The following MYH7B variants were observed in gnomAD, a reference collection of about 807,000 sequenced individuals.
MYH7B encodes the protein myosin-7B.
MYH7B carries 205 observed loss-of-function variants against 234.5 expected under a neutral mutation model. That is an observed-to-expected ratio of 0.87 (90% CI 0.78 to 0.98). The LOEUF is 0.98. Among genes scored for constraint, MYH7B ranks in the 50% least tolerant of loss-of-function variants. The probability of loss-of-function intolerance (pLI) is 0.00; values close to 1 mark genes in which losing one functional copy is unlikely to be tolerated. For missense variants in MYH7B, 2,652 were observed against 2,633.4 expected (o/e 1.01, Z -0.15); for synonymous variants, 1,193 against 1,105.0 (o/e 1.08, Z -1.58).
intron 43 of MYH7B, 72 bp from the exon 44 acceptor site, chr20:35,001,876 T>G (rs989972362): frequency 6.4e-7 from 1 of 1,554,848 alleles, no homozygotes; most frequent in Non-Finnish European, 8.7e-7. Flanking sequence ...GCTCCCTTCT[T>G]GGACTGGGGC....
At chr20:34,997,632 C>T (rs548614987) in exon 32 of MYH7B, 25 of 1,613,370 alleles carry the variant, frequency 1.5e-5, no homozygotes, top group South Asian at 7.7e-5. Context: ...GACTCTGACC[C>T]GCGCCAAGGT....
intron 2 of MYH7B, among the ~76,000 whole-genome samples, chr20:34,972,759 G>T (rs1015567603): frequency 1.3e-5 from 2 of 152,062 alleles, no homozygotes; most frequent in African/African-American, 4.8e-5. Context: ...AGCCTCCTGA[G>T]TAGCTGAGAT....
At chr20:34,997,625 T>C in exon 32 of MYH7B, 2 of 1,612,614 alleles carry the variant, frequency 1.2e-6, no homozygotes, top group East Asian at 4.5e-5. Flanking sequence ...ACGTGGAGAC[T>C]CTGACCCGCG....
intron 2 of MYH7B, among the ~76,000 whole-genome samples, chr20:34,961,203 CT>C (rs1263754397): frequency 6.6e-6 from 1 of 152,166 alleles, no homozygotes; most frequent in Non-Finnish European, 1.5e-5. Context: ...TATCCACTTA[CT>C]TTTTGGCAGG....
At chr20:34,986,676 C>T (rs373103068) in intron 14 of MYH7B, among the ~76,000 whole-genome samples, 4 of 152,184 alleles carry the variant, frequency 2.6e-5, no homozygotes, top group East Asian at 1.9e-4. Context: ...AAAGTGAAGG[C>T]CAGGTCAGGG....
intron 3 of MYH7B, among the ~76,000 whole-genome samples, chr20:34,977,004 G>A (rs1182345553): frequency 6.6e-6 from 1 of 152,110 alleles, no homozygotes; most frequent in African/African-American, 2.4e-5. Context: ...AGGGGACACA[G>A]GTGTTTGCGC....
At position 34,986,885 on chromosome 20, in the gene MYH7B, G is replaced by A. The variant is rs2082034925; in HGVS notation, c.905-1G>A. On this transcript the variant is annotated splice_acceptor_variant, in intron 14 of 44. Coordinates refer to ENST00000262873, the Ensembl canonical transcript of MYH7B. LOFTEE classifies it high-confidence loss of function. ...CTCCCTTCTCTGCCCTGTGTCCCCA[G>A]ACATGCTGCTTCTGTCTATGAACCC... The A allele has an allele frequency of 1.9e-6, 3 of 1,613,474 alleles. No individual in the cohort carries two copies. Among genetic ancestry groups the A allele is most frequent in the Non-Finnish European group, 2.5e-6 (3 of 1,179,494 alleles).
exon 35 of MYH7B, chr20:34,998,862 G>A (rs1242308209): frequency 6.2e-7 from 1 of 1,613,160 alleles, no homozygotes; most frequent in Non-Finnish European, 8.5e-7. Flanking sequence ...CCCAGTGGAG[G>A]AGCAAGTACG....
Position 35,000,708 on chromosome 20 carries a change from G to A in MYH7B, c.5178+19G>A, listed in dbSNP as rs749178687. The stretch of plus-strand genomic sequence containing the variant: ...TTCGCAGGTGGGGACAGGAGTCCCT[G>A]GGGACAGAGCAGGTGCAGGCCTGCT... On this transcript the variant is annotated intron_variant, in intron 39 of 44. Transcript: ENST00000262873. The A allele has an allele frequency of 1.9e-5, 30 of 1,600,802 alleles. No homozygotes were observed. Among genetic ancestry groups the A allele is most frequent in the Non-Finnish European group, 2.2e-5 (26 of 1,174,184 alleles).
exon 27 of MYH7B, chr20:34,994,304 G>A: frequency 1.2e-6 from 2 of 1,610,854 alleles, no homozygotes; most frequent in Non-Finnish European, 1.7e-6. Flanking sequence ...GGGTTGCGAG[G>A]GGCGCTGGCT....
At position 34,961,315 on chromosome 20, in the gene MYH7B, C is replaced by T. The variant is rs147452185; in HGVS notation, c.-222+3103C>T. 2.2e-3 allele frequency among the ~76,000 whole-genome samples: 342 copies of T among 152,174 alleles called. 1 individual carries two copies. Among genetic ancestry groups the T allele is most frequent in the African/African-American group, 7.6e-3 (317 of 41,510 alleles). The stretch of plus-strand genomic sequence containing the variant: ...TTTTACATTTTATTTATTATGAAAC[C>T]ACTGAGAAAGGTATAAAAATTAACA... On this transcript the variant is annotated intron_variant, in intron 2 of 44. Coordinates refer to ENST00000262873, the Ensembl canonical transcript of MYH7B.
chr20:34,993,051 C>T (rs756384568), intron 24 of MYH7B, 51 bp from the exon 25 acceptor site: 1 of 1,581,794 alleles, frequency 6.3e-7, no homozygotes, highest in Non-Finnish European at 8.6e-7. Flanking sequence ...TCTCAGTGGC[C>T]TGTGCCCCAT....
At chr20:34,996,026 C>A (rs1036940022) in intron 28 of MYH7B, among the ~76,000 whole-genome samples, 2 of 152,184 alleles carry the variant, frequency 1.3e-5, no homozygotes, top group Non-Finnish European at 2.9e-5. Flanking sequence ...AGCTTAGGTT[C>A]TCACAGGTGC....
intron 2 of MYH7B, among the ~76,000 whole-genome samples, chr20:34,959,683 T>C (rs2081674307): frequency 6.6e-6 from 1 of 152,166 alleles, no homozygotes; most frequent in Admixed American, 6.5e-5. Context: ...TTCACCTTGC[T>C]GTCCAGGCTG....
At chr20:35,001,045 C>T (rs188168991) in exon 41 of MYH7B, 12 of 1,613,810 alleles carry the variant, frequency 7.4e-6, no homozygotes, top group South Asian at 5.5e-5. Context: ...ACACCTGGAA[C>T]GGATGAAGAA....
exon 28 of MYH7B, chr20:34,995,343 A>T: frequency 6.2e-7 from 1 of 1,612,760 alleles, no homozygotes. Context: ...CAGGAGCAGG[A>T]CAACCTGGCA....
intron 30 of MYH7B, 138 bp from the exon 31 acceptor site, chr20:34,996,945 G>C: frequency 7.8e-7 from 1 of 1,282,772 alleles, no homozygotes; most frequent in South Asian, 1.4e-5. Context: ...GTCCAGGGCT[G>C]AGGCCTCAGG....
At position 34,987,843 on chromosome 20, in the gene MYH7B, A is replaced by T. The variant is rs762728535; in HGVS notation, c.1345A>T (p.Thr449Ser). 3 of 1,613,274 alleles carry T rather than the reference A, an allele frequency of 1.9e-6. No homozygotes were observed. The highest frequency in any genetic ancestry group is 3.3e-5 in the Admixed American group (2 of 59,922). The change falls in exon 18 of 45, where the codon ACC (threonine) becomes TCC (serine). Residue 449 changes from threonine to serine, a missense_variant. This residue lies in a region of MYH7B where 2,279 missense variants were observed against 2,211.4 expected (regional missense o/e 1.03). Transcript: ENST00000262873. Reference sequence around the variant, plus strand: ...GTGGCTGGTGTCTCGGATCAACCAGACCCTGGACACAAAGCTGCCCCGGCA... The same window carrying T: ...GTGGCTGGTGTCTCGGATCAACCAGTCCCTGGACACAAAGCTGCCCCGGCA...
At chr20:34,981,875 A>T (rs1266859359) in intron 9 of MYH7B, 3 of 150,914 alleles carry the variant, frequency 2.0e-5, no homozygotes, top group Admixed American at 2.0e-4. Context: ...AAAAAAAAAA[A>T]AAAGCAAGTA....
Sources: allele counts gnomAD v4.1 joint callset (sites outside exome capture counted in the v4.1 genomes callset), GRCh38; gene constraint gnomAD v4.1.1; regional missense constraint gnomAD v4.1.1; transcripts MANE v1.5; gene names NCBI Gene and HGNC (gene_info 2026-07-23, HGNC 2026-07-21).